NRG1: variants seen among roughly 807,000 people sequenced by gnomAD.
NRG1 encodes neuregulin 1, also known as pro-neuregulin-1, membrane-bound isoform.
A neutral mutation model predicts 63.8 loss-of-function variants in NRG1; 18 were observed. The ratio of observed to expected loss-of-function variants is 0.28; its 90% CI spans 0.19 to 0.42. The LOEUF (loss-of-function observed/expected upper bound fraction) is 0.42, where lower values mean the gene tolerates loss of function less well. Ranked by LOEUF, NRG1 falls within the 10% of genes least tolerant of loss-of-function variation. The pLI, the probability that NRG1 is intolerant of heterozygous loss-of-function variation, is 1.00. For synonymous variants in NRG1, 302 were observed against 301.3 expected (o/e 1.00, Z -0.02); for missense variants, 762 against 814.7 (o/e 0.94, Z 0.79).
chr8:32,530,147 GC>G (rs1831298761), intron 1 of NRG1, among the ~76,000 whole-genome samples: 1 of 150,900 alleles, frequency 6.6e-6, no homozygotes, highest in Non-Finnish European at 1.5e-5. Flanking sequence ...TCACTCTGTC[GC>G]CCAGGCTGGA....
intron 1 of NRG1, among the ~76,000 whole-genome samples, chr8:31,950,212 G>C (rs1213496261): frequency 6.6e-6 from 1 of 152,178 alleles, no homozygotes; most frequent in African/African-American, 2.4e-5. Context: ...GAATTTAAAA[G>C]ATAAGTGTGT....
intron 1 of NRG1, among the ~76,000 whole-genome samples, chr8:32,353,990 T>C (rs575884376): frequency 2.6e-5 from 4 of 151,894 alleles, no homozygotes; most frequent in South Asian, 2.1e-4. Flanking sequence ...TACTACTCAG[T>C]AATAAAAAGG....
chr8:32,604,715 A>G lies in NRG1; in HGVS notation c.279-847A>G, dbSNP rs58669333. ...CCCAAGTAGCTGGGATTCCAGGGGCATGCCACCACACCAGGCTTTAGAATA... is the reference window on the plus strand; with the variant it reads ...CCCAAGTAGCTGGGATTCCAGGGGCGTGCCACCACACCAGGCTTTAGAATA... On this transcript the variant is annotated intron_variant, in intron 2 of 11. Transcript: ENST00000356819. Among the ~76,000 whole-genome samples, 572 of 152,232 alleles carry G rather than the reference A, an allele frequency of 3.8e-3. 4 individuals carry two copies. Among genetic ancestry groups the G allele is most frequent in the African/African-American group, 0.013 (539 of 41,546 alleles).
At chr8:31,884,550 C>T (rs1830580019) in intron 1 of NRG1, among the ~76,000 whole-genome samples, 1 of 152,250 alleles carries the variant, frequency 6.6e-6, no homozygotes, top group East Asian at 1.9e-4. Context: ...AATGTGACCA[C>T]TCCCTTTTTG....
chr8:31,768,092 C>A (rs1190611633), intron 1 of NRG1, among the ~76,000 whole-genome samples: 1 of 151,988 alleles, frequency 6.6e-6, no homozygotes, highest in East Asian at 1.9e-4. Flanking sequence ...CAACAGATAA[C>A]CTATTACATC....
At chr8:32,158,931 C>T (rs1252213691) in intron 1 of NRG1, among the ~76,000 whole-genome samples, 1 of 152,108 alleles carries the variant, frequency 6.6e-6, no homozygotes, top group African/African-American at 2.4e-5. Flanking sequence ...CCCTGAGCCA[C>T]CACACAGGCT....
At chr8:32,243,840 C>G (rs930705108) in intron 1 of NRG1, among the ~76,000 whole-genome samples, 3 of 152,140 alleles carry the variant, frequency 2.0e-5, no homozygotes, top group Non-Finnish European at 4.4e-5. Context: ...AAAGCCTCCT[C>G]TCTCTCTGCC....
intron 1 of NRG1, among the ~76,000 whole-genome samples, chr8:32,159,921 T>C (rs765633893): frequency 3.9e-5 from 6 of 152,208 alleles, no homozygotes; most frequent in African/African-American, 1.4e-4. Flanking sequence ...TTAGGTATTC[T>C]GAGTCAATTT....
intron 1 of NRG1, among the ~76,000 whole-genome samples, chr8:32,312,161 T>TG (rs1219322554): frequency 1.6e-5 from 2 of 127,228 alleles, no homozygotes; most frequent in African/African-American, 6.0e-5. Context: ...TTGTTTGTTT[T>TG]TTTTTTTTTT....
intron 1 of NRG1, among the ~76,000 whole-genome samples, chr8:32,326,186 T>A (rs1801988162): frequency 6.6e-6 from 1 of 151,986 alleles, no homozygotes; most frequent in South Asian, 2.1e-4. Context: ...ATTTTTGTAT[T>A]TTTAGTAGAG....
intron 1 of NRG1, among the ~76,000 whole-genome samples, chr8:31,893,182 C>T (rs1831286793): frequency 6.7e-6 from 1 of 149,718 alleles, no homozygotes; most frequent in Admixed American, 6.7e-5. Context: ...ATATTATATA[C>T]TATTATATAA....
chr8:31,924,963 ATGGAT>A (rs1834218555), intron 1 of NRG1, among the ~76,000 whole-genome samples: 1 of 151,412 alleles, frequency 6.6e-6, no homozygotes, highest in South Asian at 2.1e-4. Flanking sequence ...GTCAGAGCAT[ATGGAT>A]TGTATGATTT....
chr8:32,358,023 T>A (rs555031349), intron 1 of NRG1, among the ~76,000 whole-genome samples: 1 of 152,254 alleles, frequency 6.6e-6, no homozygotes, highest in South Asian at 2.1e-4. Context: ...TGTGACTAAG[T>A]TCTGTCCAAT....
At chr8:32,003,618 C>A (rs972627017) in intron 1 of NRG1, among the ~76,000 whole-genome samples, 6 of 151,906 alleles carry the variant, frequency 3.9e-5, no homozygotes, top group African/African-American at 7.2e-5. Flanking sequence ...ATAAATAAAT[C>A]AAGGATAGAA....
At chr8:32,716,602 T>G (rs1819284127) in intron 5 of NRG1, among the ~76,000 whole-genome samples, 1 of 152,092 alleles carries the variant, frequency 6.6e-6, no homozygotes, top group South Asian at 2.1e-4. Context: ...ATAACTAAGG[T>G]CCTATGTATG....
At chr8:32,537,073 C>T (rs916270160) in intron 1 of NRG1, among the ~76,000 whole-genome samples, 3 of 149,180 alleles carry the variant, frequency 2.0e-5, no homozygotes, top group African/African-American at 7.4e-5. Context: ...GGTGTAGTGG[C>T]GCATGCCAGC....
intron 1 of NRG1, chr8:32,026,338 A>G (rs1817372152): frequency 6.6e-6 from 1 of 152,140 alleles, no homozygotes; most frequent in African/African-American, 2.4e-5. Flanking sequence ...TTTTTAGCTG[A>G]ATTCATCTCT....
intron 1 of NRG1, among the ~76,000 whole-genome samples, chr8:32,086,080 G>A (rs1828181477): frequency 6.6e-6 from 1 of 152,194 alleles, no homozygotes; most frequent in Non-Finnish European, 1.5e-5. Context: ...AGGGTTCTGT[G>A]AAGTAGAAAT....
At chr8:32,140,789 A>C (rs1836149167) in intron 1 of NRG1, among the ~76,000 whole-genome samples, 1 of 151,996 alleles carries the variant, frequency 6.6e-6, no homozygotes, top group South Asian at 2.1e-4. Context: ...CTAACTAATC[A>C]AGTACTTTAA....
Sources: gnomAD v4.1 joint callset for allele counts (sites outside exome capture counted in the v4.1 genomes callset) on GRCh38, gnomAD v4.1.1 for gene constraint, MANE v1.5 for transcripts, NCBI Gene and HGNC (gene_info 2026-07-23, HGNC 2026-07-21) for gene names.